The following WDR49 variants were observed in gnomAD, a reference collection of about 807,000 sequenced individuals.
WDR49 encodes the protein cilia- and flagella-associated protein 337.
In WDR49, 107 loss-of-function variants were observed where a neutral mutation model predicts 119.5. That is an observed-to-expected ratio of 0.90 (90% CI 0.77 to 1.05). The LOEUF (loss-of-function observed/expected upper bound fraction) is 1.05. WDR49 is among the 50% of genes least tolerant of loss of function. The pLI is 0.00. For missense variants in WDR49, 1,240 were observed against 1,220.5 expected (o/e 1.02, Z -0.24); for synonymous variants, 425 against 418.8 (o/e 1.01, Z -0.18).
chr3:167,641,214 C>G (rs1717865034), intron 2 of WDR49, among the ~76,000 whole-genome samples: 1 of 151,820 alleles, frequency 6.6e-6, no homozygotes, highest in Admixed American at 6.6e-5. Context: ...GGCTCCCACC[C>G]ATGAGTTATG....
intron 7 of WDR49, among the ~76,000 whole-genome samples, chr3:167,582,234 A>T (rs1199673820): frequency 6.6e-6 from 1 of 152,138 alleles, no homozygotes; most frequent in Non-Finnish European, 1.5e-5. Context: ...TTAGAAGTTA[A>T]GCCTCTCAGT....
intron 13 of WDR49, 38 bp from the exon 14 acceptor site, chr3:167,529,277 C>G: frequency 2.0e-6 from 3 of 1,496,734 alleles, no homozygotes; most frequent in Non-Finnish European, 2.7e-6. Flanking sequence ...GAAAACTGAA[C>G]AACAAATGCC....
At chr3:167,479,619 G>A (rs1428490407) in intron 18 of WDR49, among the ~76,000 whole-genome samples, 3 of 152,236 alleles carry the variant, frequency 2.0e-5, no homozygotes, top group Non-Finnish European at 4.4e-5. Context: ...AGGCATAAAT[G>A]AGGCACAAAT....
chr3:167,497,073 C>G (rs1018452211), intron 18 of WDR49, among the ~76,000 whole-genome samples: 2 of 152,198 alleles, frequency 1.3e-5, no homozygotes, highest in African/African-American at 4.8e-5. Context: ...TCCTACTCAT[C>G]CTTTAAGTCC....
intron 8 of WDR49, chr3:167,575,063 T>C: frequency 1.0e-6 from 1 of 985,384 alleles, no homozygotes; most frequent in Non-Finnish European, 1.2e-6. Flanking sequence ...ATGCAGAAGC[T>C]TCTGCAGAAG....
At chr3:167,507,686 A>G (rs1186702604) in intron 16 of WDR49, among the ~76,000 whole-genome samples, 1 of 152,160 alleles carries the variant, frequency 6.6e-6, no homozygotes, top group Non-Finnish European at 1.5e-5. Flanking sequence ...CATCCTGTGG[A>G]ATCTAAATCA....
chr3:167,518,968 A>G (rs1752322496), intron 16 of WDR49, among the ~76,000 whole-genome samples: 1 of 151,952 alleles, frequency 6.6e-6, no homozygotes, highest in Non-Finnish European at 1.5e-5. Context: ...GGGCAAAGAC[A>G]TAAACTGACA....
chr3:167,560,641 A>G (rs963178983), intron 8 of WDR49, among the ~76,000 whole-genome samples: 16 of 152,224 alleles, frequency 1.1e-4, no homozygotes, highest in African/African-American at 3.9e-4. Flanking sequence ...CATTCAGAAA[A>G]GAAGCTCTAC....
At chr3:167,493,603 TG>T (rs1475096473) in intron 18 of WDR49, among the ~76,000 whole-genome samples, 1 of 152,198 alleles carries the variant, frequency 6.6e-6, no homozygotes, top group East Asian at 1.9e-4. Context: ...AAGTAGTGGC[TG>T]CTCTTTCATT....
intron 10 of WDR49, among the ~76,000 whole-genome samples, chr3:167,545,514 T>TATATATATATATATATATATATATATA (rs1712133530): frequency 7.1e-6 from 1 of 141,460 alleles, no homozygotes; most frequent in Non-Finnish European, 1.6e-5. Flanking sequence ...ATATATTATA[T>TATATATATATATATATATATATATATA]ATATATATAT....
At chr3:167,597,974 T>C (rs939077404) in intron 7 of WDR49, among the ~76,000 whole-genome samples, 1 of 152,090 alleles carries the variant, frequency 6.6e-6, no homozygotes, top group Non-Finnish European at 1.5e-5. Context: ...AGTTAAGACT[T>C]TGGGGGACCA....
intron 8 of WDR49, chr3:167,566,790 T>C: frequency 3.3e-6 from 2 of 604,936 alleles, no homozygotes; most frequent in South Asian, 2.1e-5. Flanking sequence ...GAAAAGAAAA[T>C]GTTATTAAGA....
chr3:167,479,025 G>T, intron 18 of WDR49, 29 bp from the exon 19 acceptor site: 1 of 1,495,506 alleles, frequency 6.7e-7, no homozygotes, highest in Non-Finnish European at 9.2e-7. Flanking sequence ...AATCACAAGT[G>T]AATTATATTT....
chr3:167,514,708 G>GA (rs1433464027), intron 16 of WDR49, among the ~76,000 whole-genome samples: 6 of 149,498 alleles, frequency 4.0e-5, no homozygotes, highest in African/African-American at 7.4e-5. Context: ...CTGGCTTTTT[G>GA]AAAAAAATTA....
chr3:167,637,265 T>C (rs905530819), intron 2 of WDR49, among the ~76,000 whole-genome samples: 9 of 151,746 alleles, frequency 5.9e-5, no homozygotes, highest in Admixed American at 5.3e-4. Context: ...TTCCCCACTT[T>C]ATGTTTTTGT....
intron 16 of WDR49, among the ~76,000 whole-genome samples, chr3:167,520,766 G>C (rs1316755456): frequency 1.3e-5 from 2 of 152,100 alleles, no homozygotes; most frequent in African/African-American, 4.8e-5. Context: ...GTTAGACTCT[G>C]TGTGAAGAGT....
intron 16 of WDR49, among the ~76,000 whole-genome samples, chr3:167,508,526 GGTATTGGCTACTATCA>G: frequency 6.6e-6 from 1 of 152,050 alleles, no homozygotes; most frequent in African/African-American, 2.4e-5. Flanking sequence ...GGGCTCAGTT[GGTATTGGCTACTATCA>G]CTTTAAGCAA....
intron 7 of WDR49, among the ~76,000 whole-genome samples, chr3:167,595,403 A>G (rs1396766373): frequency 1.3e-5 from 2 of 152,214 alleles, no homozygotes; most frequent in Non-Finnish European, 2.9e-5. Context: ...AAGAGCCCGC[A>G]TTGCCAAGTC....
intron 8 of WDR49, among the ~76,000 whole-genome samples, chr3:167,570,319 T>G (rs561662936): frequency 1.4e-3 from 216 of 152,282 alleles, no homozygotes; most frequent in Non-Finnish European, 2.6e-3. Context: ...TTTTCTCCAA[T>G]TTTACAATTA....
Sources: gnomAD v4.1 joint callset for allele counts (sites outside exome capture counted in the v4.1 genomes callset) on GRCh38, gnomAD v4.1.1 for gene constraint, MANE v1.5 for transcripts, NCBI Gene and HGNC (gene_info 2026-07-23, HGNC 2026-07-21) for gene names.